ARHGEF4: variants seen among roughly 807,000 people sequenced by gnomAD.
The protein encoded by ARHGEF4 is APC-stimulated guanine nucleotide exchange factor 1.
A neutral mutation model predicts 162.0 loss-of-function variants in ARHGEF4; 119 were observed. The ratio of observed to expected loss-of-function variants is 0.73; its 90% confidence interval spans 0.63 to 0.86. The LOEUF is 0.86. Among genes scored for constraint, ARHGEF4 ranks in the 40% least tolerant of loss-of-function variants. ARHGEF4 has a pLI of 0.00. For missense variants in ARHGEF4, 2,488 were observed against 2,456.0 expected, an observed-to-expected ratio of 1.01 and a Z score of -0.28; for synonymous variants, 1,014 against 979.9, an observed-to-expected ratio of 1.03 and a Z score of -0.65.
At chr2:131,024,132 A>T (rs942671220) in intron 4 of ARHGEF4, among the ~76,000 whole-genome samples, 1 of 152,242 alleles carries the variant, frequency 6.6e-6, no homozygotes, top group African/African-American at 2.4e-5. Context: ...CTTGGCTATG[A>T]GATCATACTG....
At chr2:130,898,702 G>A (rs1680307989) in intron 1 of ARHGEF4, among the ~76,000 whole-genome samples, 1 of 152,166 alleles carries the variant, frequency 6.6e-6, no homozygotes, top group African/African-American at 2.4e-5. Context: ...GGCAGTGGGT[G>A]CGAACACAAC....
chr2:130,969,930 G>T (rs62178906), intron 4 of ARHGEF4, among the ~76,000 whole-genome samples: 6,869 of 151,956 alleles, frequency 0.045, 169 homozygotes, highest in Middle Eastern at 0.071. Context: ...CATGTGTTGC[G>T]TTTGAGATTC....
intron 1 of ARHGEF4, among the ~76,000 whole-genome samples, chr2:130,841,143 C>T (rs1478453071): frequency 6.6e-6 from 1 of 152,174 alleles, no homozygotes; most frequent in East Asian, 1.9e-4. Context: ...CAGCTCACTG[C>T]AACCTCCGTC....
At chr2:130,862,562 G>C (rs1682015443) in intron 1 of ARHGEF4, among the ~76,000 whole-genome samples, 1 of 27,582 alleles carries the variant, frequency 3.6e-5, no homozygotes, top group Non-Finnish European at 5.6e-5. Context: ...AAGCAGAAAT[G>C]ACAAAAGAAA....
At chr2:130,865,885 C>G (rs1682236497) in intron 1 of ARHGEF4, among the ~76,000 whole-genome samples, 1 of 152,104 alleles carries the variant, frequency 6.6e-6, no homozygotes, top group African/African-American at 2.4e-5. Context: ...TCTCTGGTGC[C>G]TGACCAGCCC....
chr2:130,894,352 C>T (rs1428117425), intron 1 of ARHGEF4, among the ~76,000 whole-genome samples: 1 of 152,002 alleles, frequency 6.6e-6, no homozygotes, highest in African/African-American at 2.4e-5. Flanking sequence ...GACAGGGGCC[C>T]GGGAGAACCT....
Position 130,839,570 on chromosome 2 carries a change from A to T in ARHGEF4, c.39+2578A>T, listed in dbSNP as rs971876777. Among the ~76,000 whole-genome samples the T allele has an allele frequency of 4.6e-5, 7 of 152,316 alleles. No homozygotes were observed. The South Asian group carries it at 1.5e-3, about 32-fold the overall frequency. On this transcript the variant is annotated intron_variant, in intron 1 of 13. Transcript: ENST00000409359. ...ATGGGGCATGACAGTCGTGTGGCAG[A>T]GTCCCTCCCCGTGCAGGCAGACCAG...
At position 130,946,535 on chromosome 2, in the gene ARHGEF4, T is replaced by A; in HGVS notation, c.3885T>A (p.Ser1295=). The stretch of plus-strand genomic sequence containing the variant: ...GCTGGAGAAAGACGATCATTACCTC[T>A]CCAGAGTCTTTGAATCTCCCTAGAA... ...VKCWRKTIIT[S]PESLNLPRRS... is the part of the protein sequence containing the mutation. Residue 1295 remains serine, a synonymous_variant, in exon 4 of 14, where the codon TCT becomes TCA. Transcript: ENST00000409359. 6.2e-7 allele frequency: 1 copy of A among 1,613,940 alleles called. No individual in the cohort carries two copies. The highest frequency in any genetic ancestry group is 1.1e-5 in the South Asian group (1 of 91,064).
At chr2:130,903,480 G>A (rs1172438915) in intron 1 of ARHGEF4, among the ~76,000 whole-genome samples, 5 of 152,014 alleles carry the variant, frequency 3.3e-5, no homozygotes, top group African/African-American at 4.8e-5. Context: ...TGATGGTCTC[G>A]ATCTCTTGAC....
chr2:130,923,176 C>G (rs1244297269), intron 2 of ARHGEF4, among the ~76,000 whole-genome samples: 4 of 152,092 alleles, frequency 2.6e-5, no homozygotes, highest in Non-Finnish European at 5.9e-5. Flanking sequence ...GTGATCCACC[C>G]ACCTCAGCCT....
At chr2:130,863,955 C>T (rs1482045882) in intron 1 of ARHGEF4, among the ~76,000 whole-genome samples, 2 of 129,100 alleles carry the variant, frequency 1.5e-5, no homozygotes, top group African/African-American at 6.0e-5. Context: ...GAGGCCGAGG[C>T]AGGCAGATCA....
chr2:130,974,613 G>A (rs1685577828), intron 4 of ARHGEF4, among the ~76,000 whole-genome samples: 1 of 65,732 alleles, frequency 1.5e-5, no homozygotes, highest in African/African-American at 5.4e-5. Flanking sequence ...ACCACACCCA[G>A]CTATTTTTTT....
At chr2:130,948,463 A>C (rs1465543991) in intron 4 of ARHGEF4, among the ~76,000 whole-genome samples, 1 of 152,250 alleles carries the variant, frequency 6.6e-6, no homozygotes, top group Non-Finnish European at 1.5e-5. Context: ...AAGGGACAGT[A>C]ACCAGGGAGA....
intron 1 of ARHGEF4, among the ~76,000 whole-genome samples, chr2:130,856,237 G>T (rs1031865941): frequency 2.0e-5 from 3 of 152,184 alleles, no homozygotes; most frequent in Non-Finnish European, 4.4e-5. Flanking sequence ...TCACCAGAGG[G>T]GCTGAACAGT....
intron 1 of ARHGEF4, among the ~76,000 whole-genome samples, chr2:130,844,081 G>C (rs1680782027): frequency 6.6e-6 from 1 of 152,212 alleles, no homozygotes; most frequent in African/African-American, 2.4e-5. Flanking sequence ...CAGAGGGTTT[G>C]AATTCACTCT....
chr2:131,037,451 G>A (rs562254706), intron 5 of ARHGEF4, among the ~76,000 whole-genome samples: 1 of 152,322 alleles, frequency 6.6e-6, no homozygotes, highest in South Asian at 2.1e-4. Flanking sequence ...AGTGCTTAGG[G>A]AGTACCCAGT....
chr2:130,985,686 T>C (rs577387511), intron 4 of ARHGEF4, among the ~76,000 whole-genome samples: 114 of 152,316 alleles, frequency 7.5e-4, no homozygotes, highest in African/African-American at 2.6e-3. Flanking sequence ...TCCATTTCTA[T>C]GTTTATGCAA....
Position 130,842,775 on chromosome 2 carries a change from C to G in ARHGEF4, c.39+5783C>G, listed in dbSNP as rs76585031. On this transcript the variant is annotated intron_variant, in intron 1 of 13. Transcript: ENST00000409359. ...CCCACCTTCCTGCAGATCTCTTACC[C>G]GCAGGGATCCTGGTACCAGTTTCTT... Among the ~76,000 whole-genome samples the G allele has an allele frequency of 2.1e-4, 32 of 152,264 alleles. No individual in the cohort carries two copies. The South Asian group carries it at 6.6e-3, about 32-fold the overall frequency.
rs1283301928 is a variant in ARHGEF4, at chr2:130,914,251, C to T, written c.305C>T (p.Pro102Leu). The change falls in exon 2 of 14, where the codon CCT (proline) becomes CTT (leucine). Residue 102 changes from proline (P) to leucine (L), a missense_variant. Physicochemically the swap from Pro to Leu is moderately conservative, Grantham distance 98. Coordinates refer to ENST00000409359, the MANE Select transcript of ARHGEF4 (RefSeq NM_001367493.1). ...GGTACTCCCGTAGATATAGAAGCACCTTGGGAATACCCTGATGTCTCAGCA... is the reference window on the plus strand; with the variant it reads ...GGTACTCCCGTAGATATAGAAGCACTTTGGGAATACCCTGATGTCTCAGCA... Reference protein sequence around the residue: ...LRGTPVDIEAPWEYPDVSATG... With the variant: ...LRGTPVDIEALWEYPDVSATG... The T allele has an allele frequency of 6.5e-7, 1 of 1,534,554 alleles. No individual in the cohort carries two copies. The highest frequency in any genetic ancestry group is 8.7e-7 in the Non-Finnish European group (1 of 1,145,918).
Sources: gnomAD v4.1 joint callset for allele counts (sites outside exome capture counted in the v4.1 genomes callset) on GRCh38, gnomAD v4.1.1 for gene constraint, MANE v1.5 for transcripts, NCBI Gene and HGNC (gene_info 2026-07-23, HGNC 2026-07-21) for gene names.